NRXN3: variants seen among roughly 807,000 people sequenced by gnomAD.
NRXN3 encodes neurexin III.
NRXN3 carries 32 observed loss-of-function variants against 137.6 expected under a neutral mutation model. That is an observed-to-expected ratio of 0.23 (90% confidence interval 0.18 to 0.31). The LOEUF is 0.31. Ranked by LOEUF, NRXN3 falls within the 10% of genes least tolerant of loss-of-function variation. The pLI, the probability that NRXN3 is intolerant of heterozygous loss-of-function variation, is 1.00. For missense variants in NRXN3, 1,574 were observed against 2,062.5 expected, an observed-to-expected ratio of 0.76 and a Z score of 4.59; for synonymous variants, 798 against 784.5, an observed-to-expected ratio of 1.02 and a Z score of -0.29.
At chr14:79,536,868 A>C (rs1050455504) in intron 16 of NRXN3, among the ~76,000 whole-genome samples, 3 of 152,186 alleles carry the variant, frequency 2.0e-5, no homozygotes, top group Admixed American at 2.0e-4. Flanking sequence ...ATTGATGGGC[A>C]TTTAGGTTGA....
intron 17 of NRXN3, among the ~76,000 whole-genome samples, chr14:79,665,026 T>C (rs527253054): frequency 6.6e-5 from 10 of 152,272 alleles, no homozygotes; most frequent in African/African-American, 2.2e-4. Context: ...CTAATAATGG[T>C]TATGCTTGTG....
At chr14:79,555,916 C>G (rs2097424868) in intron 16 of NRXN3, among the ~76,000 whole-genome samples, 1 of 152,196 alleles carries the variant, frequency 6.6e-6, no homozygotes, top group Non-Finnish European at 1.5e-5. Flanking sequence ...CCCTAAAAAT[C>G]TATCACCTCT....
At chr14:79,404,564 G>A (rs1215625989) in intron 15 of NRXN3, among the ~76,000 whole-genome samples, 2 of 152,150 alleles carry the variant, frequency 1.3e-5, no homozygotes, top group East Asian at 3.9e-4. Context: ...TAGGTTTTGA[G>A]TTTCTCTAAG....
At chr14:79,237,989 T>C (rs974017119) in intron 15 of NRXN3, among the ~76,000 whole-genome samples, 3 of 152,146 alleles carry the variant, frequency 2.0e-5, no homozygotes, top group African/African-American at 7.2e-5. Flanking sequence ...GATATGGTTT[T>C]TAATTATGAG....
chr14:78,752,172 C>T (rs912398477), intron 8 of NRXN3, among the ~76,000 whole-genome samples: 11 of 152,192 alleles, frequency 7.2e-5, no homozygotes, highest in Non-Finnish European at 1.3e-4. Flanking sequence ...TGGGAGGCCC[C>T]GAGGCAGGCA....
At chr14:79,094,977 A>AGTGTGTGTGTGTGTGTGT (rs1409965478) in intron 15 of NRXN3, among the ~76,000 whole-genome samples, 1 of 99,524 alleles carries the variant, frequency 1.0e-5, no homozygotes, top group African/African-American at 3.2e-5. Context: ...AGAGAGAGAG[A>AGTGTGTGTGTGTGTGTGT]GAGTGTGTGT....
intron 10 of NRXN3, among the ~76,000 whole-genome samples, chr14:78,940,699 T>A (rs945184338): frequency 5.3e-5 from 8 of 152,266 alleles, no homozygotes; most frequent in African/African-American, 1.7e-4. Flanking sequence ...TCAGTTTAGA[T>A]GGGATATTTT....
chr14:79,701,457 T>C (rs1283071118), intron 19 of NRXN3, among the ~76,000 whole-genome samples: 1 of 152,044 alleles, frequency 6.6e-6, no homozygotes, highest in Non-Finnish European at 1.5e-5. Context: ...TTACATACCT[T>C]GTGCTTTGCT....
At chr14:79,450,945 C>A (rs2096160082) in intron 15 of NRXN3, among the ~76,000 whole-genome samples, 1 of 151,940 alleles carries the variant, frequency 6.6e-6, no homozygotes, top group African/African-American at 2.4e-5. Context: ...ATGTTAGAGG[C>A]AACAGAAAGT....
rs183664644 is a variant in NRXN3, at chr14:79,513,942, A to G, written c.3444+46540A>G. Among the ~76,000 whole-genome samples, 12 of 152,322 alleles carry G rather than the reference A, an allele frequency of 7.9e-5. No homozygotes were observed. The East Asian group carries it at 2.3e-3, about 29-fold the overall frequency. ...TAAAATGTCACTATACAATAAATTA[A>G]TACTTACATTCTAAGGGACTATACA... On this transcript the variant is annotated intron_variant, in intron 16 of 20. Coordinates refer to ENST00000335750, the MANE Select transcript of NRXN3 (RefSeq NM_001330195.2).
rs556244919 is a variant in NRXN3 at position 79,818,698 on chromosome 14, A to T, written c.4093+13508A>T. On this transcript the variant is annotated intron_variant, in intron 20 of 20. Transcript: ENST00000335750. ...CTCACTTCCTTGCATTATGCATCCA[A>T]AACTATTTTAAAAGCCAAAACACAC... Among the ~76,000 whole-genome samples, 35 of 152,260 alleles carry T rather than the reference A, an allele frequency of 2.3e-4. No homozygotes were observed. In the South Asian group the frequency reaches 6.6e-3, roughly 29 times the overall value.
chr14:79,142,094 T>C (rs968968729), intron 15 of NRXN3, among the ~76,000 whole-genome samples: 1 of 152,144 alleles, frequency 6.6e-6, no homozygotes, highest in Non-Finnish European at 1.5e-5. Flanking sequence ...GGGTGCCATT[T>C]GAATTGAGTA....
chr14:79,828,016 C>T (rs1357633253), intron 20 of NRXN3, among the ~76,000 whole-genome samples: 3 of 151,990 alleles, frequency 2.0e-5, no homozygotes, highest in African/African-American at 4.8e-5. Context: ...TTTATATGAC[C>T]GGATCTCACT....
rs778704727 is a variant in NRXN3, at chr14:78,243,365, T to C, written c.272T>C (p.Met91Thr). 5 of 1,563,990 alleles carry C rather than the reference T, an allele frequency of 3.2e-6. No homozygotes were observed. The highest frequency in any genetic ancestry group is 3.4e-6 in the Non-Finnish European group (4 of 1,162,438). Residue 91 changes from methionine (M) to threonine (T), a missense_variant, in exon 2 of 21, where the codon ATG becomes ACG. By Grantham distance (81) the Met-to-Thr change is moderately conservative. Around this residue, in one of 5 missense-constraint regions of NRXN3, gnomAD observed 400 missense variants for 527.3 expected, o/e 0.76. Coordinates refer to ENST00000335750, the MANE Select transcript of NRXN3 (RefSeq NM_001330195.2). The surrounding 1 kb of genome is among the most constrained non-coding windows in gnomAD (Gnocchi z 4.2). ...GGCCGCGTTCAGCTCCGCTTCAGCA[T>C]GGACTGTGCCGAGACTGCCGTGCTG... is the stretch of plus-strand genomic sequence containing the variant. ...VDGRVQLRFS[M>T]DCAETAVLSN...
chr14:79,427,990 T>A (rs1433912164), intron 15 of NRXN3, among the ~76,000 whole-genome samples: 1 of 152,044 alleles, frequency 6.6e-6, no homozygotes, highest in Non-Finnish European at 1.5e-5. Context: ...TGCACGTGTG[T>A]GTGTGCGTGT....
chr14:79,146,160 C>G (rs1208664810), intron 15 of NRXN3, among the ~76,000 whole-genome samples: 1 of 152,130 alleles, frequency 6.6e-6, no homozygotes, highest in African/African-American at 2.4e-5. Flanking sequence ...CCCATTTTTG[C>G]TGATGAAGGA....
At chr14:79,143,270 G>C (rs1291163978) in intron 15 of NRXN3, among the ~76,000 whole-genome samples, 1 of 152,176 alleles carries the variant, frequency 6.6e-6, no homozygotes. Context: ...TAAATGCTTG[G>C]AGGATTTTCC....
intron 4 of NRXN3, among the ~76,000 whole-genome samples, chr14:78,349,388 G>A (rs1462405767): frequency 6.6e-6 from 1 of 152,206 alleles, no homozygotes; most frequent in African/African-American, 2.4e-5. Context: ...GCCTGCTCCA[G>A]CCTTCAGTGC....
chr14:78,270,300 G>A (rs2072515193), intron 2 of NRXN3, among the ~76,000 whole-genome samples: 1 of 152,194 alleles, frequency 6.6e-6, no homozygotes, highest in African/African-American at 2.4e-5. Flanking sequence ...CCTACCAGAT[G>A]ATGGGACATC....
Sources: gnomAD v4.1 joint callset for allele counts (sites outside exome capture counted in the v4.1 genomes callset) on GRCh38, gnomAD v4.1.1 for gene constraint, gnomAD v4.1.1 regional missense constraint, Gnocchi (gnomAD v3.1) non-coding constraint, MANE v1.5 for transcripts, NCBI Gene and HGNC (gene_info 2026-07-23, HGNC 2026-07-21) for gene names.